Variants in HEMK2 observed in about 807,000 individuals in gnomAD.
The protein encoded by HEMK2 is HemK methyltransferase 2, ETF1 glutamine and histone H4 lysine.
At chr21:28,810,414 A>G in the HEMK2 span, among the ~76,000 whole-genome samples, 92 of 152,314 alleles carry the variant, frequency 6.0e-4, no homozygotes, top group Middle Eastern at 3.4e-3. Context: ...ATTTAAAGAA[A>G]TATCCGCTAG....
At chr21:28,709,509 G>C in the HEMK2 span, among the ~76,000 whole-genome samples, 1 of 152,144 alleles carries the variant, frequency 6.6e-6, no homozygotes, top group Admixed American at 6.6e-5. Flanking sequence ...CTACTGTTAA[G>C]AAAATGTCCC....
At chr21:28,621,623 G>A in the HEMK2 span, among the ~76,000 whole-genome samples, 8 of 152,126 alleles carry the variant, frequency 5.3e-5, no homozygotes, top group African/African-American at 1.2e-4. Context: ...TGGGATAGGC[G>A]GTGGAATTAA....
At chr21:28,632,467 A>AT in the HEMK2 span, among the ~76,000 whole-genome samples, 12 of 152,182 alleles carry the variant, frequency 7.9e-5, no homozygotes, top group African/African-American at 2.4e-4. Flanking sequence ...AATAACTTCA[A>AT]TTTTTTTAAA....
the HEMK2 span, among the ~76,000 whole-genome samples, chr21:28,679,375 A>C: frequency 6.6e-6 from 1 of 152,230 alleles, no homozygotes; most frequent in Non-Finnish European, 1.5e-5. Flanking sequence ...CCAACACAAG[A>C]GCACCCAGAT....
chr21:28,870,482 A>T, the HEMK2 span, among the ~76,000 whole-genome samples: 1 of 152,022 alleles, frequency 6.6e-6, no homozygotes, highest in South Asian at 2.1e-4. Context: ...GCTCACTGCC[A>T]TATCCGCCTC....
At chr21:28,866,175 A>AAAACAAAAC in the HEMK2 span, among the ~76,000 whole-genome samples, 1 of 76,234 alleles carries the variant, frequency 1.3e-5, no homozygotes. Context: ...CAAAAAAAAA[A>AAAACAAAAC]ACACACACAC....
At chr21:28,788,887 TA>T in the HEMK2 span, among the ~76,000 whole-genome samples, 1 of 151,932 alleles carries the variant, frequency 6.6e-6, no homozygotes, top group Non-Finnish European at 1.5e-5. Context: ...AAGAAGGCCA[TA>T]TAAAGACACC....
chr21:28,708,761 C>A, the HEMK2 span, among the ~76,000 whole-genome samples: 1 of 152,146 alleles, frequency 6.6e-6, no homozygotes, highest in African/African-American at 2.4e-5. Flanking sequence ...ACACTGTGAG[C>A]AACTGTGACC....
chr21:28,715,453 T>C, the HEMK2 span, among the ~76,000 whole-genome samples: 1 of 152,190 alleles, frequency 6.6e-6, no homozygotes, highest in African/African-American at 2.4e-5. Flanking sequence ...TTTTAAGAAG[T>C]GTCTGTTTAT....
chr21:28,820,806 G>C, the HEMK2 span, among the ~76,000 whole-genome samples: 1 of 152,120 alleles, frequency 6.6e-6, no homozygotes, highest in Non-Finnish European at 1.5e-5. Flanking sequence ...TTCCATAGGG[G>C]GTTTTCTTTG....
chr21:28,765,594 T>C, the HEMK2 span, among the ~76,000 whole-genome samples: 19,894 of 152,134 alleles, frequency 0.13, 1,455 homozygotes, highest in Middle Eastern at 0.23. Flanking sequence ...TGTCATTGCC[T>C]TTTTGAAATA....
At chr21:28,882,134 T>C in the HEMK2 span, 1 of 1,535,838 alleles carries the variant, frequency 6.5e-7, no homozygotes, top group Middle Eastern at 1.7e-4. Flanking sequence ...GAAAAGAAAA[T>C]TATTACTGGA....
At chr21:28,689,987 T>A in the HEMK2 span, among the ~76,000 whole-genome samples, 1 of 152,158 alleles carries the variant, frequency 6.6e-6, no homozygotes, top group Non-Finnish European at 1.5e-5. Flanking sequence ...AGAGGTTTAG[T>A]GGATTCACAG....
chr21:28,662,361 G>A, the HEMK2 span, among the ~76,000 whole-genome samples: 1 of 152,154 alleles, frequency 6.6e-6, no homozygotes, highest in Non-Finnish European at 1.5e-5. Flanking sequence ...TCTGCCTCCA[G>A]TCATGCAGCC....
At chr21:28,635,805 C>T in the HEMK2 span, among the ~76,000 whole-genome samples, 1 of 152,156 alleles carries the variant, frequency 6.6e-6, no homozygotes, top group Non-Finnish European at 1.5e-5. Context: ...GAACTTTCTA[C>T]AATAATGGAA....
At chr21:28,760,239 A>C in the HEMK2 span, among the ~76,000 whole-genome samples, 3 of 152,218 alleles carry the variant, frequency 2.0e-5, no homozygotes, top group African/African-American at 7.2e-5. Context: ...TGAAAGTTTC[A>C]ATTAGGCTTT....
At chr21:28,588,590 T>C in the HEMK2 span, among the ~76,000 whole-genome samples, 2 of 152,060 alleles carry the variant, frequency 1.3e-5, no homozygotes, top group Non-Finnish European at 2.9e-5. Flanking sequence ...AGTCGATTGA[T>C]GAAAGGTACA....
chr21:28,827,434 T>C, the HEMK2 span, among the ~76,000 whole-genome samples: 1 of 152,228 alleles, frequency 6.6e-6, no homozygotes, highest in South Asian at 2.1e-4. Context: ...TCAAATGTTA[T>C]TGTGATTCTA....
At chr21:28,690,210 C>T in the HEMK2 span, among the ~76,000 whole-genome samples, 2 of 152,194 alleles carry the variant, frequency 1.3e-5, no homozygotes, top group Admixed American at 6.5e-5. Flanking sequence ...GCTCTTGACA[C>T]ATGGGGATTA....
Sources: gnomAD v4.1 joint callset for allele counts (sites outside exome capture counted in the v4.1 genomes callset) on GRCh38, gnomAD v4.1.1 for gene constraint, MANE v1.5 for transcripts, NCBI Gene and HGNC (gene_info 2026-07-23, HGNC 2026-07-21) for gene names.